Variants in PTPRE observed in about 807,000 individuals in gnomAD.
PTPRE encodes the protein protein tyrosine phosphatase receptor type E, also known as receptor-type tyrosine-protein phosphatase epsilon.
A neutral mutation model predicts 102.0 loss-of-function variants in PTPRE; 51 were observed. The observed-to-expected ratio is 0.50, with a 90% confidence interval of 0.40 to 0.63. The LOEUF (loss-of-function observed/expected upper bound fraction) is 0.63. PTPRE is among the 30% of genes least tolerant of loss of function. The pLI is 0.00. For missense variants in PTPRE, 752 were observed against 915.1 expected (o/e 0.82, Z 2.30); for synonymous variants, 345 against 348.2 (o/e 0.99, Z 0.10).
In PTPRE at chr10:127,925,881, G is replaced by A. The variant is rs76420154; in HGVS notation, c.-31+18572G>A. Among the ~76,000 whole-genome samples the A allele has an allele frequency of 2.1e-4, 32 of 152,254 alleles. No individual in the cohort carries two copies. In the East Asian group the frequency reaches 5.2e-3, roughly 25 times the overall value. ...AAGGGCACCTCACCAGCCCACAAAG[G>A]ACAAAAGGTTACCCTGTCTATACTG... On this transcript the variant is annotated intron_variant, in intron 1 of 20. Transcript: ENST00000254667.
chr10:127,961,952 G>T (rs1458647191), intron 1 of PTPRE, among the ~76,000 whole-genome samples: 1 of 152,186 alleles, frequency 6.6e-6, no homozygotes, highest in Non-Finnish European at 1.5e-5. Context: ...TGCAGGATGT[G>T]CGGCCTGCAG....
chr10:127,943,740 T>C (rs1848414817), intron 1 of PTPRE, among the ~76,000 whole-genome samples: 1 of 152,182 alleles, frequency 6.6e-6, no homozygotes, highest in Admixed American at 6.5e-5. Context: ...CCCAAGGGGA[T>C]TTTATTGGTC....
In PTPRE at chr10:127,944,029, C is replaced by T. The variant is rs543466280; in HGVS notation, c.-31+36720C>T. Among the ~76,000 whole-genome samples, 33 of 152,248 alleles carry T rather than the reference C, an allele frequency of 2.2e-4. No homozygotes were observed. Among genetic ancestry groups the T allele is most frequent in the African/African-American group, 5.8e-4 (24 of 41,540 alleles). ...GCCCAACAAGTGGGGCATTTGTGCACGACAGAACCTAAGGGCACACAAAGT... is the reference window on the plus strand; with the variant it reads ...GCCCAACAAGTGGGGCATTTGTGCATGACAGAACCTAAGGGCACACAAAGT... On this transcript the variant is annotated intron_variant, in intron 1 of 20. Transcript: ENST00000254667. The surrounding 1 kb of genome is among the most constrained non-coding windows in gnomAD (Gnocchi z 4.2).
Position 128,085,129 on chromosome 10 carries a change from G to A in PTPRE, c.*2223G>A, listed in dbSNP as rs904400003. 4.4e-6 allele frequency: 2 copies of A among 456,010 alleles called. No individual in the cohort carries two copies. The highest frequency in any genetic ancestry group is 2.4e-5 in the Admixed American group (1 of 42,546). 28.2% of individuals were successfully genotyped at this position (456,010 alleles called of 1,614,324 possible). On this transcript the variant is annotated 3_prime_UTR_variant, in exon 21 of 21. Coordinates refer to ENST00000254667, the MANE Select transcript of PTPRE (RefSeq NM_006504.6). ...CAAGACTCTCCCCTCCACTGTCCGG[G>A]ACAGCGTTCGCCCTTTAGCGGGGAG...
chr10:127,924,377 C>G (rs1200540430), intron 1 of PTPRE, among the ~76,000 whole-genome samples: 1 of 152,172 alleles, frequency 6.6e-6, no homozygotes, highest in African/African-American at 2.4e-5. Context: ...AGGCGCCCAC[C>G]ACCGTGCCTG....
chr10:128,072,648 A>AC (rs1404110962), intron 16 of PTPRE: 2 of 101,290 alleles, frequency 2.0e-5, no homozygotes, highest in South Asian at 8.0e-4. Context: ...TGAGAGCGAG[A>AC]CCCCCTCTCA....
At chr10:127,909,285 C>T (rs967714656) in intron 1 of PTPRE, among the ~76,000 whole-genome samples, 4 of 152,120 alleles carry the variant, frequency 2.6e-5, no homozygotes, top group Admixed American at 2.0e-4. Context: ...AAATCTTGCC[C>T]CCAAACCCCA....
intron 2 of PTPRE, among the ~76,000 whole-genome samples, chr10:127,986,115 CA>C (rs1852070484): frequency 6.6e-6 from 1 of 152,002 alleles, no homozygotes; most frequent in Non-Finnish European, 1.5e-5. Flanking sequence ...AATTGACATC[CA>C]AAAAAATGAG....
At chr10:128,068,489 G>C in intron 12 of PTPRE, 1 of 492,786 alleles carries the variant, frequency 2.0e-6, no homozygotes, top group Non-Finnish European at 3.3e-6. Flanking sequence ...CATCCCAGTC[G>C]ATAAAACCCA....
chr10:127,990,411 C>CAAAAAAAAAA (rs60034358), intron 2 of PTPRE, among the ~76,000 whole-genome samples: 14 of 65,682 alleles, frequency 2.1e-4, no homozygotes, highest in South Asian at 1.1e-3. Context: ...GACTCCACCT[C>CAAAAAAAAAA]AAAAAAAAAA....
At chr10:127,959,299 C>G (rs1246149237) in intron 1 of PTPRE, among the ~76,000 whole-genome samples, 1 of 152,164 alleles carries the variant, frequency 6.6e-6, no homozygotes. Flanking sequence ...AAAAGCTTAC[C>G]CAGTTCATGC....
intron 1 of PTPRE, among the ~76,000 whole-genome samples, chr10:127,948,248 T>C (rs1848766071): frequency 6.6e-6 from 1 of 152,074 alleles, no homozygotes; most frequent in South Asian, 2.1e-4. Flanking sequence ...AGAGAGACTT[T>C]ATTTTAGGGC....
chr10:127,923,398 A>ATT (rs35994733), intron 1 of PTPRE, among the ~76,000 whole-genome samples: 3,036 of 106,590 alleles, frequency 0.028, 109 homozygotes, highest in South Asian at 0.12. Context: ...ACCAGTTTGA[A>ATT]TTTTTTTTTT....
chr10:127,991,308 G>A (rs1043983343), intron 2 of PTPRE, among the ~76,000 whole-genome samples: 2 of 152,198 alleles, frequency 1.3e-5, no homozygotes, highest in Non-Finnish European at 2.9e-5. Context: ...CGTTGTGGGC[G>A]GACTGACTTA....
intron 2 of PTPRE, among the ~76,000 whole-genome samples, chr10:127,995,285 C>T (rs1042933107): frequency 6.6e-6 from 1 of 152,168 alleles, no homozygotes; most frequent in African/African-American, 2.4e-5. Context: ...TGAAAGGCAC[C>T]GTGTCCACTT....
At chr10:127,937,209 T>C (rs1470802009) in intron 1 of PTPRE, among the ~76,000 whole-genome samples, 1 of 152,212 alleles carries the variant, frequency 6.6e-6, no homozygotes, top group Non-Finnish European at 1.5e-5. Flanking sequence ...TTTATTCACA[T>C]GATAATGGCT....
Position 128,062,996 on chromosome 10 carries a change from G to T in PTPRE, c.626-87G>T, listed in dbSNP as rs1849744297. 2.4e-5 allele frequency: 38 copies of T among 1,576,974 alleles called. No individual in the cohort carries two copies. The South Asian group carries it at 3.7e-4, about 15-fold the overall frequency. ...TGAGAAGGGAGTGAACAGCTGTCCA[G>T]GGGCCAACGGCCAGGGTGCCGGGGC... On this transcript the variant is annotated intron_variant, in intron 9 of 20. Coordinates refer to ENST00000254667, the MANE Select transcript of PTPRE (RefSeq NM_006504.6).
At chr10:128,038,810 A>G (rs1847438461) in intron 2 of PTPRE, among the ~76,000 whole-genome samples, 1 of 152,166 alleles carries the variant, frequency 6.6e-6, no homozygotes, top group South Asian at 2.1e-4. Flanking sequence ...GTATAAATAT[A>G]TATATACATA....
intron 1 of PTPRE, among the ~76,000 whole-genome samples, chr10:127,969,961 G>T (rs943515023): frequency 6.6e-6 from 1 of 152,212 alleles, no homozygotes; most frequent in African/African-American, 2.4e-5. Flanking sequence ...GGGAGGCAAA[G>T]CTGTCTCCTC....
Sources: gnomAD v4.1 joint callset for allele counts (sites outside exome capture counted in the v4.1 genomes callset) on GRCh38, gnomAD v4.1.1 for gene constraint, Gnocchi (gnomAD v3.1) non-coding constraint, MANE v1.5 for transcripts, NCBI Gene and HGNC (gene_info 2026-07-23, HGNC 2026-07-21) for gene names.